PRG4: variants seen among roughly 807,000 people sequenced by gnomAD.
PRG4 encodes articular superficial zone protein.
Under a neutral mutation model 91.2 loss-of-function variants are expected in PRG4, and 61 were observed. The ratio of observed to expected loss-of-function variants is 0.67; its 90% CI spans 0.54 to 0.83. The LOEUF is 0.83. Ranked by LOEUF, PRG4 falls within the 40% of genes least tolerant of loss-of-function variation. PRG4 has a pLI of 0.00. For missense variants in PRG4, 1,564 were observed against 1,714.2 expected (o/e 0.91, Z 1.55); for synonymous variants, 576 against 614.2 (o/e 0.94, Z 0.92).
chr1:186,313,944 T>C lies in PRG4; in HGVS notation c.*166T>C. The C allele has an allele frequency of 2.5e-6, 4 of 1,605,202 alleles. No homozygotes were observed. The African/African-American group carries it at 5.3e-5, about 21-fold the overall frequency. On this transcript the variant is annotated 3_prime_UTR_variant, in exon 13 of 13. Transcript: ENST00000445192. ...ACTAAAACAGATTTGATAATCTTATTCACAGTTGTTATTGTTTACAGACCA... is the reference window on the plus strand; with the variant it reads ...ACTAAAACAGATTTGATAATCTTATCCACAGTTGTTATTGTTTACAGACCA...
chr1:186,313,845 T>G lies in PRG4; in HGVS notation c.*67T>G. 6.7e-7 allele frequency: 1 copy of G among 1,494,112 alleles called. No homozygotes were observed. The allele number at this position is 1,494,112 out of a possible 1,614,324, so 92.6% of individuals were successfully genotyped here. ...AATAAATTTTGACACTGAAAAACAT[T>G]TTATTAATAAAGAATATTGACATGA... On this transcript the variant is annotated 3_prime_UTR_variant, in exon 13 of 13. Transcript: ENST00000445192.
rs1182415420 is a variant in PRG4 at position 186,300,130 on chromosome 1, C to A, written c.116C>A (p.Ser39Tyr). Residue 39 changes from serine to tyrosine, a missense_variant, in exon 3 of 13, where the codon TCT becomes TAT. Around this residue, in one of 3 missense-constraint regions of PRG4, gnomAD observed 437 missense variants for 459.0 expected, o/e 0.95. Transcript: ENST00000445192. The part of the protein sequence containing the change: ...SCAGRCGEGY[S>Y]RDATCNCDYN... ...GCAGGGAGATGTGGGGAAGGGTATT[C>A]TAGAGATGCCACCTGCAACTGTGAT... The A allele has an allele frequency of 1.2e-6, 2 of 1,613,792 alleles. No individual in the cohort carries two copies. Among genetic ancestry groups the A allele is most frequent in the East Asian group, 4.5e-5 (2 of 44,896 alleles).
Position 186,301,600 on chromosome 1 carries a change from T to C in PRG4, c.208T>C (p.Cys70Arg). Reference protein sequence around the residue: ...FKRVCTAELSCKGRCFESFER... With the variant: ...FKRVCTAELSRKGRCFESFER... ...TGTTTTGCTCTGGGTAGAGCTTTCC[T>C]GTAAAGGCCGCTGCTTTGAGTCCTT... Residue 70 changes from cysteine (C) to arginine (R), a missense_variant, in exon 4 of 13, where the codon TGT becomes CGT. This residue lies in a region of PRG4 where 437 missense variants were observed against 459.0 expected (regional missense o/e 0.95). Transcript: ENST00000445192. 1 of 1,614,076 alleles carries C rather than the reference T, an allele frequency of 6.2e-7. No individual in the cohort carries two copies. Among genetic ancestry groups the C allele is most frequent in the Non-Finnish European group, 8.5e-7 (1 of 1,179,966 alleles).
chr1:186,310,004 A>G (rs914121667), intron 8 of PRG4, 134 bp downstream of exon 8: 4 of 741,462 alleles, frequency 5.4e-6, no homozygotes, highest in African/African-American at 5.2e-5. Flanking sequence ...CTCACAGGAG[A>G]ATCCGAGAGT....
chr1:186,310,669 ATT>A (rs56847815), intron 8 of PRG4, among the ~76,000 whole-genome samples: 1 of 131,488 alleles, frequency 7.6e-6, no homozygotes. Context: ...TTTTTTTTGT[ATT>A]TTTTTTTTTT....
Position 186,311,488 on chromosome 1 carries a change from C to A in PRG4, c.3685C>A (p.Pro1229Thr). Residue 1229 changes from proline to threonine, a missense_variant, in exon 10 of 13, where the codon CCC (proline) becomes ACC (threonine). Pro to Thr is a conservative substitution (Grantham distance 38, BLOSUM62 -1). Transcript: ENST00000445192. ...CAATGATATAAAAGATGCAGGGTAC[C>A]CCAAACCAATTTTCAAAGGATTTGG... ...FTNDIKDAGY[P>T]KPIFKGFGGL... 1 of 1,613,728 alleles carries A rather than the reference C, an allele frequency of 6.2e-7. No homozygotes were observed. The highest frequency in any genetic ancestry group is 8.5e-7 in the Non-Finnish European group (1 of 1,179,754).
chr1:186,312,984 G>C (rs2102041359), intron 12 of PRG4, 90 bp downstream of exon 12: 1 of 1,350,988 alleles, frequency 7.4e-7, no homozygotes, highest in Non-Finnish European at 1.1e-6. Flanking sequence ...AATGATGACT[G>C]AATGTGAGAA....
chr1:186,310,649 A>ATTTTTGTATTTT (rs948991850), intron 8 of PRG4, among the ~76,000 whole-genome samples: 1 of 143,118 alleles, frequency 7.0e-6, no homozygotes, highest in Non-Finnish European at 1.5e-5. Context: ...TGCCTGGCTA[A>ATTTTTGTATTTT]TTTTTGTATT....
chr1:186,314,167 T>C lies in PRG4; in HGVS notation c.*389T>C, dbSNP rs904558395. 1.5e-6 allele frequency: 1 copy of C among 681,948 alleles called. No individual in the cohort carries two copies. Among genetic ancestry groups the C allele is most frequent in the South Asian group, 2.1e-5 (1 of 47,166 alleles). The allele number at this position is 681,948 out of a possible 1,614,324, so 42.2% of individuals were successfully genotyped here. On this transcript the variant is annotated 3_prime_UTR_variant, in exon 13 of 13. Transcript: ENST00000445192. ...GGGTATTCTACAACTTCAATGGAAA[T>C]TATTACAAGCAGATTAATCCCTCTT...
In PRG4 at chr1:186,296,926, C is replaced by T. The variant is rs1232456660; in HGVS notation, c.51C>T (p.Phe17=). The change falls in exon 2 of 13, where the codon TTC becomes TTT. Residue 17 remains phenylalanine, a synonymous_variant. Transcript: ENST00000445192. The part of the protein sequence containing the change: ...PIYLLLLLSV[F]VIQQVSSQDL... The stretch of plus-strand genomic sequence containing the variant: ...ACCTGTTGTTGCTGCTGTCTGTTTT[C>T]GTGATTCAGCAAGTTTCATCTCAAG... The T allele has an allele frequency of 2.5e-6, 4 of 1,613,812 alleles. No homozygotes were observed. Among genetic ancestry groups the T allele is most frequent in the South Asian group, 1.1e-5 (1 of 91,074 alleles).
Position 186,306,442 on chromosome 1 carries a change from C to T in PRG4, c.723C>T (p.Thr241=). Residue 241 remains threonine (T), a synonymous_variant, in exon 7 of 13, where the codon ACC becomes ACT. Coordinates refer to ENST00000445192, the MANE Select transcript of PRG4 (RefSeq NM_005807.6). ...TCACAACTCCTGACACGTCTACCAC[C>T]CAACACAATAAAGTCAGCACATCTC... The part of the protein sequence containing the change: ...FKVTTPDTST[T]QHNKVSTSPK... The T allele has an allele frequency of 6.2e-7, 1 of 1,613,626 alleles. No individual in the cohort carries two copies. The highest frequency in any genetic ancestry group is 1.1e-5 in the South Asian group (1 of 91,072).
At chr1:186,312,535 C>G in intron 11 of PRG4, 163 bp downstream of exon 11, 1 of 820,202 alleles carries the variant, frequency 1.2e-6, no homozygotes, top group Non-Finnish European at 1.9e-6. Flanking sequence ...TAACCAAAGA[C>G]CAATACTTTC....
chr1:186,309,660 C>A, intron 7 of PRG4, 133 bp from the exon 8 acceptor site: 1 of 703,368 alleles, frequency 1.4e-6, no homozygotes, highest in South Asian at 1.6e-5. Context: ...ACTATGCAAA[C>A]AGGTCAAACT....
chr1:186,305,866 G>A (rs1282927286), intron 6 of PRG4, among the ~76,000 whole-genome samples: 1 of 152,188 alleles, frequency 6.6e-6, no homozygotes, highest in Admixed American at 6.5e-5. Context: ...GGGACTGTGG[G>A]GGTGACTGGG....
At position 186,308,036 on chromosome 1, in the gene PRG4, C is replaced by G. The variant is rs201504886; in HGVS notation, c.2317C>G (p.Pro773Ala). ...KEPAPTTPKEPAPTTPKGTAP... is the reference protein window; with the variant it reads ...KEPAPTTPKEAAPTTPKGTAP... ...GCCTGCTCCAACTACCCCTAAGGAG[C>G]CTGCTCCAACTACCCCTAAGGGGAC... Residue 773 changes from proline to alanine, a missense_variant, in exon 7 of 13, where the codon CCT becomes GCT. Pro to Ala is a conservative substitution (Grantham distance 27, BLOSUM62 -1). Transcript: ENST00000445192. The G allele has an allele frequency of 6.2e-7, 1 of 1,601,798 alleles. No homozygotes were observed. Among genetic ancestry groups the G allele is most frequent in the Non-Finnish European group, 8.5e-7 (1 of 1,177,064 alleles).
At chr1:186,299,695 G>C (rs1437525460) in intron 2 of PRG4, among the ~76,000 whole-genome samples, 2 of 152,092 alleles carry the variant, frequency 1.3e-5, no homozygotes, top group African/African-American at 4.8e-5. Flanking sequence ...CTAAATCCTG[G>C]AAACATTTTC....
intron 3 of PRG4, among the ~76,000 whole-genome samples, chr1:186,301,179 T>C (rs376987608): frequency 6.6e-6 from 1 of 152,188 alleles, no homozygotes. Context: ...TATATTTATA[T>C]GGAATATATT....
Position 186,309,025 on chromosome 1 carries a change from A to T in PRG4, c.3306A>T (p.Gly1102=). The change falls in exon 7 of 13, where the codon GGA becomes GGT. Residue 1102 remains glycine, a synonymous_variant. Coordinates refer to ENST00000445192, the MANE Select transcript of PRG4 (RefSeq NM_005807.6). ...GTGAAGATGCAGGTGGTGCTGAAGG[A>T]GAAACACCTCATATGCTTCTCAGGC... The part of the protein sequence containing the change: ...PKSEDAGGAE[G]ETPHMLLRPH... The T allele has an allele frequency of 6.2e-7, 1 of 1,611,988 alleles. No individual in the cohort carries two copies. Among genetic ancestry groups the T allele is most frequent in the Non-Finnish European group, 8.5e-7 (1 of 1,178,716 alleles).
intron 5 of PRG4, 152 bp from the exon 6 acceptor site, chr1:186,304,642 C>A: frequency 2.1e-6 from 2 of 935,878 alleles, no homozygotes; most frequent in Non-Finnish European, 3.3e-6. Flanking sequence ...TTTTAACTGA[C>A]AGATTAAAAG....
Sources: allele counts gnomAD v4.1 joint callset (sites outside exome capture counted in the v4.1 genomes callset), GRCh38; gene constraint gnomAD v4.1.1; regional missense constraint gnomAD v4.1.1; transcripts MANE v1.5; gene names NCBI Gene and HGNC (gene_info 2026-07-23, HGNC 2026-07-21).